The following GLRA2 variants were observed in gnomAD, a reference collection of about 807,000 sequenced individuals.
GLRA2 encodes glycine receptor subunit alpha-2.
A neutral mutation model predicts 31.6 loss-of-function variants in GLRA2; 11 were observed. The observed-to-expected ratio is 0.35, with a 90% CI of 0.22 to 0.58. GLRA2 has a LOEUF of 0.58. Ranked by LOEUF, GLRA2 falls within the 20% of genes least tolerant of loss-of-function variation. The pLI, the probability that GLRA2 is intolerant of heterozygous loss-of-function variation, is 0.84. For missense variants in GLRA2, 212 were observed against 351.8 expected (o/e 0.60, Z 3.18); for synonymous variants, 132 against 134.0 (o/e 0.99, Z 0.10).
intron 7 of GLRA2, among the ~76,000 whole-genome samples, chrX:14,652,253 G>A (rs2090897151): frequency 8.9e-6 from 1 of 111,792 alleles, no homozygotes; most frequent in African/African-American, 3.3e-5. Flanking sequence ...CTGTCATCTA[G>A]CCACTGCTTT....
At chrX:14,531,093 A>C (rs897950043) in intron 1 of GLRA2, 2 of 839,863 alleles carry the variant, frequency 2.4e-6, no homozygotes, top group Non-Finnish European at 3.1e-6. Flanking sequence ...TTTTATTAGA[A>C]TCATCATCAT....
At chrX:14,695,330 T>G (rs1401800577) in intron 8 of GLRA2, among the ~76,000 whole-genome samples, 1 of 111,368 alleles carries the variant, frequency 9.0e-6, no homozygotes, top group South Asian at 3.8e-4. Flanking sequence ...TGTGTGCTCA[T>G]GGGGGGATAT....
intron 7 of GLRA2, among the ~76,000 whole-genome samples, chrX:14,616,033 ACTT>A (rs776678052): frequency 9.0e-6 from 1 of 111,240 alleles, no homozygotes; most frequent in African/African-American, 3.3e-5. Context: ...TGCTGGCAAT[ACTT>A]CTTTTAACCG....
At chrX:14,649,967 T>C (rs1297085443) in intron 7 of GLRA2, among the ~76,000 whole-genome samples, 1 of 112,135 alleles carries the variant, frequency 8.9e-6, no homozygotes, top group Admixed American at 9.5e-5. Context: ...AAGTTACAGA[T>C]TCATATGACA....
chrX:14,579,561 C>G (rs1427690130), intron 3 of GLRA2, among the ~76,000 whole-genome samples: 3 of 111,576 alleles, frequency 2.7e-5, no homozygotes, highest in Non-Finnish European at 3.8e-5. Flanking sequence ...AACACCTGAC[C>G]TCAGGTGATG....
rs189864637 is a variant in GLRA2, at chrX:14,548,679, T to C, written c.202+16307T>C. On this transcript the variant is annotated intron_variant, in intron 2 of 8. Coordinates refer to ENST00000218075, the MANE Select transcript of GLRA2 (RefSeq NM_002063.4). ...TGGATGGATAGTGACATCTAACTTA[T>C]CCAAATAGAATCCCTGGCCTAAGGC... Among the ~76,000 whole-genome samples the C allele has an allele frequency of 3.6e-5, 4 of 111,807 alleles. No individual in the cohort carries two copies. In the Admixed American group the frequency reaches 3.8e-4, roughly 11 times the overall value.
chrX:14,473,247 G>A, the GLRA2 span, among the ~76,000 whole-genome samples: 2 of 111,369 alleles, frequency 1.8e-5, no homozygotes, highest in Admixed American at 9.5e-5. Flanking sequence ...TATTACATAT[G>A]TAGTGCAAAG....
chrX:14,450,215 C>T, the GLRA2 span, among the ~76,000 whole-genome samples: 380 of 112,267 alleles, frequency 3.4e-3, 1 homozygote, highest in African/African-American at 0.012. Context: ...CTTGGGGATC[C>T]TCCACCCTTG....
intron 2 of GLRA2, among the ~76,000 whole-genome samples, chrX:14,566,073 G>A (rs2089801390): frequency 9.0e-6 from 1 of 111,296 alleles, no homozygotes; most frequent in Non-Finnish European, 1.9e-5. Context: ...CATTTACCTA[G>A]ACTGACGAAG....
At chrX:14,536,277 T>A (rs2089322156) in intron 2 of GLRA2, among the ~76,000 whole-genome samples, 2 of 112,432 alleles carry the variant, frequency 1.8e-5, no homozygotes, top group African/African-American at 6.5e-5. Context: ...AAAATGATCA[T>A]GTCTGTAGTC....
intron 8 of GLRA2, among the ~76,000 whole-genome samples, chrX:14,709,084 G>A (rs2091675596): frequency 9.0e-6 from 1 of 111,354 alleles, no homozygotes; most frequent in Non-Finnish European, 1.9e-5. Context: ...AAAACGAAAG[G>A]GAGAGCTGGG....
At position 14,532,294 on chromosome X, in the gene GLRA2, C is replaced by T. The variant is rs751025273; in HGVS notation, c.124C>T (p.Leu42=). The change falls in exon 2 of 9, where the codon CTA becomes TTA. Residue 42 remains leucine, a synonymous_variant. Transcript: ENST00000218075. ...GTCTGGAAAACAACCTTCACAGACC[C>T]TATCTCCTTCAGATTTCTTGGACAA... ...SRSGKQPSQT[L]SPSDFLDKLM... 5.9e-6 allele frequency: 7 copies of T among 1,187,521 alleles called. No homozygotes were observed. In the South Asian group the frequency reaches 1.1e-4, roughly 18 times the overall value.
intron 8 of GLRA2, among the ~76,000 whole-genome samples, chrX:14,704,928 A>G (rs772203306): frequency 4.5e-5 from 5 of 112,067 alleles, no homozygotes; most frequent in Non-Finnish European, 9.4e-5. Flanking sequence ...GAACCATAAG[A>G]GAGTTATAGT....
chrX:14,685,563 G>T (rs1447597218), intron 7 of GLRA2, among the ~76,000 whole-genome samples: 1 of 111,765 alleles, frequency 8.9e-6, no homozygotes, highest in Admixed American at 9.5e-5. Flanking sequence ...ATGTGTCCAG[G>T]AATTTAACCA....
chrX:14,493,545 T>TTATATACATATATACATATATACACA, the GLRA2 span, among the ~76,000 whole-genome samples: 1 of 95,960 alleles, frequency 1.0e-5, no homozygotes, highest in African/African-American at 4.8e-5. Context: ...ATATATATAC[T>TTATATACATATATACATATATACACA]TATATACATA....
chrX:14,582,392 G>A (rs965976563), intron 4 of GLRA2, among the ~76,000 whole-genome samples: 2 of 109,931 alleles, frequency 1.8e-5, no homozygotes, highest in Admixed American at 9.8e-5. Flanking sequence ...CAGAGGACGT[G>A]AACTCATCAT....
At chrX:14,659,238 C>T (rs2090969162) in intron 7 of GLRA2, among the ~76,000 whole-genome samples, 1 of 112,098 alleles carries the variant, frequency 8.9e-6, no homozygotes, top group Non-Finnish European at 1.9e-5. Context: ...CTGTATTGCT[C>T]TCTTAACTTA....
At chrX:14,662,276 A>G (rs1036408858) in intron 7 of GLRA2, among the ~76,000 whole-genome samples, 1 of 111,759 alleles carries the variant, frequency 8.9e-6, no homozygotes, top group Admixed American at 9.6e-5. Flanking sequence ...ACTCTTACAT[A>G]TACACAGATA....
At chrX:14,696,456 A>T (rs1024818000) in intron 8 of GLRA2, among the ~76,000 whole-genome samples, 30 of 112,048 alleles carry the variant, frequency 2.7e-4, no homozygotes, top group African/African-American at 8.8e-4. Flanking sequence ...AGAAAAAATT[A>T]TTGACAGCAA....
Sources: gnomAD v4.1 joint callset for allele counts (sites outside exome capture counted in the v4.1 genomes callset) on GRCh38, gnomAD v4.1.1 for gene constraint, MANE v1.5 for transcripts, NCBI Gene and HGNC (gene_info 2026-07-23, HGNC 2026-07-21) for gene names.